The following CCT6B variants were observed in gnomAD, a reference collection of about 807,000 sequenced individuals.
CCT6B encodes the protein chaperonin containing TCP1 subunit 6B, also known as probable T-complex protein 1 subunit zeta-2.
A neutral mutation model predicts 61.5 loss-of-function variants in CCT6B; 49 were observed. That is an observed-to-expected ratio of 0.80 (90% CI 0.63 to 1.01). The LOEUF (loss-of-function observed/expected upper bound fraction) is 1.01. Ranked by LOEUF, CCT6B falls within the 50% of genes least tolerant of loss-of-function variation. CCT6B has a pLI of 0.00. For synonymous variants in CCT6B, 228 were observed against 214.5 expected (o/e 1.06, Z -0.55); for missense variants, 666 against 634.7 (o/e 1.05, Z -0.53).
Position 34,942,894 on chromosome 17 carries a change from T to A in CCT6B, c.627A>T (p.Gly209=). Residue 209 remains glycine, a synonymous_variant, in exon 6 of 14, where the codon GGA becomes GGT. Coordinates refer to ENST00000314144, the MANE Select transcript of CCT6B (RefSeq NM_006584.4). ...KLGTDTKLIQ[G]LVLDHGARHP... is the part of the protein sequence containing the mutation. ...GACGGGCACCATGATCCAAAACTAA[T>A]CCTTGGATCAACCTATTAAAAATAT... 1 of 1,589,230 alleles carries A rather than the reference T, an allele frequency of 6.3e-7. No homozygotes were observed. The highest frequency in any genetic ancestry group is 8.6e-7 in the Non-Finnish European group (1 of 1,161,286).
At position 34,943,119 on chromosome 17, in the gene CCT6B, C is replaced by T. The variant is rs941518921; in HGVS notation, c.615-213G>A. 133 of 428,912 alleles carry T rather than the reference C, an allele frequency of 3.1e-4. 2 individuals are homozygous for T. In the East Asian group the frequency reaches 5.2e-3, roughly 17 times the overall value. 26.6% of individuals were successfully genotyped at this position (428,912 alleles called of 1,614,324 possible). On this transcript the variant is annotated intron_variant, in intron 5 of 13. Transcript: ENST00000314144. Reference sequence around the variant, plus strand: ...CTGGCCACGAACTCCTGGGCTCAAGCAATCCTCCTGCCTCAGCCTCCCAAG... The same window carrying T: ...CTGGCCACGAACTCCTGGGCTCAAGTAATCCTCCTGCCTCAGCCTCCCAAG...
At chr17:34,935,151 C>T (rs887433468) in intron 10 of CCT6B, among the ~76,000 whole-genome samples, 2 of 152,076 alleles carry the variant, frequency 1.3e-5, no homozygotes, top group African/African-American at 2.4e-5. Flanking sequence ...ATAAGCCAGA[C>T]AAAGGACAAA....
rs754852348 is a variant in CCT6B, at chr17:34,942,585, CT to C, written c.783del (p.Ala262LeufsTer13). 1.9e-6 allele frequency: 3 copies of C among 1,608,282 alleles called. No individual in the cohort carries two copies. In the Admixed American group the frequency reaches 5.1e-5, roughly 27 times the overall value. Reference sequence around the variant, plus strand: ...CTATCTTCAATAAATTTTCTTTCAGCTTTTACCAATTTCTCTTTCTCTTCTG... The same window carrying C: ...CTATCTTCAATAAATTTTCTTTCAGCTTTACCAATTTCTCTTTCTCTTCTG... ...KTAEEKEKLV[K>X]AERKFIEDRV... is the part of the protein sequence containing the mutation. On this transcript the variant is annotated frameshift_variant, in exon 7 of 14. Coordinates refer to ENST00000314144, the MANE Select transcript of CCT6B (RefSeq NM_006584.4). LOFTEE classifies it high-confidence loss of function.
In CCT6B at chr17:34,942,570, T is replaced by C. The variant is rs747730840; in HGVS notation, c.799A>G (p.Ile267Val). 1.9e-6 allele frequency: 3 copies of C among 1,607,998 alleles called. No individual in the cohort carries two copies. The highest frequency in any genetic ancestry group is 2.2e-5 in the East Asian group (1 of 44,752). ...ATTATTTTTTGTACTCTATCTTCAA[T>C]AAATTTTCTTTCAGCTTTTACCAAT... ...EKLVKAERKFIEDRVQKIIDL... is the reference protein window; with the variant it reads ...EKLVKAERKFVEDRVQKIIDL... Residue 267 changes from isoleucine to valine, a missense_variant, in exon 7 of 14, where the codon ATT (isoleucine) becomes GTT (valine). Physicochemically the swap from Ile to Val is conservative, Grantham distance 29. Transcript: ENST00000314144.
rs17628745 is a variant in CCT6B at position 34,939,523 on chromosome 17, A to T, written c.1065+94T>A. On this transcript the variant is annotated intron_variant, in intron 9 of 13. Transcript: ENST00000314144. ...TCTGTTCTGTGAATTAGATCTCAAA[A>T]CACAAAACATGAAATAAAAGGTCAA... 6.8e-3 allele frequency: 6,256 copies of T among 918,880 alleles called. 24 individuals are homozygous for T. The highest frequency in any genetic ancestry group is 8.2e-3 in the Non-Finnish European group (4,850 of 590,918). The allele number at this position is 918,880 out of a possible 1,614,324, so 56.9% of individuals were successfully genotyped here. A position where few individuals can be genotyped will look rare whatever the true frequency, so the allele number is the denominator to read the frequency against.
intron 4 of CCT6B, among the ~76,000 whole-genome samples, chr17:34,953,343 T>TATATATA (rs1439709336): frequency 3.0e-5 from 4 of 134,510 alleles, no homozygotes; most frequent in Non-Finnish European, 5.1e-5. Flanking sequence ...ATATATATAT[T>TATATATA]TTTTTGAGAC....
chr17:34,950,780 T>A, intron 5 of CCT6B, among the ~76,000 whole-genome samples: 1 of 151,574 alleles, frequency 6.6e-6, no homozygotes, highest in East Asian at 1.9e-4. Flanking sequence ...ATACAAAAAA[T>A]TAGGCAGGCG....
chr17:34,954,943 T>C (rs565159415), intron 3 of CCT6B, among the ~76,000 whole-genome samples: 69 of 152,328 alleles, frequency 4.5e-4, no homozygotes, highest in African/African-American at 1.6e-3. Context: ...AAGTGGCAGA[T>C]AGAACACTGT....
At position 34,927,971 on chromosome 17, in the gene CCT6B, T is replaced by C; in HGVS notation, c.*77A>G. 1 of 992,506 alleles carries C rather than the reference T, an allele frequency of 1.0e-6. No individual in the cohort carries two copies. Among genetic ancestry groups the C allele is most frequent in the Non-Finnish European group, 1.5e-6 (1 of 664,222 alleles). The allele number at this position is 992,506 out of a possible 1,614,324, so 61.5% of individuals were successfully genotyped here. ...TTATTGTGTAGAAATTCAGAATGGC[T>C]CAGGCTACACAATAGTAGTCAGATG... is the stretch of plus-strand genomic sequence containing the variant. On this transcript the variant is annotated 3_prime_UTR_variant, in exon 14 of 14. Coordinates refer to ENST00000314144, the MANE Select transcript of CCT6B (RefSeq NM_006584.4).
Position 34,928,135 on chromosome 17 carries a change from AG to A in CCT6B, c.1524-19del. 2 of 1,581,132 alleles carry A rather than the reference AG, an allele frequency of 1.3e-6. No homozygotes were observed. The highest frequency in any genetic ancestry group is 8.7e-7 in the Non-Finnish European group (1 of 1,153,890). On this transcript the variant is annotated intron_variant, in intron 13 of 13. Transcript: ENST00000314144. ...TCACTGTGCTAAGGAAAAAGATGAGAGGGTGAGTAAAGCCTACTAACCCACT... is the reference window on the plus strand; with the variant it reads ...TCACTGTGCTAAGGAAAAAGATGAGAGGTGAGTAAAGCCTACTAACCCACT...
chr17:34,932,539 T>C (rs985646207), intron 10 of CCT6B, 39 bp from the exon 11 acceptor site: 20 of 1,562,482 alleles, frequency 1.3e-5, no homozygotes, highest in East Asian at 2.3e-5. Context: ...AGACATGCCA[T>C]AAAGACCAAA....
intron 8 of CCT6B, among the ~76,000 whole-genome samples, chr17:34,940,207 C>A (rs546730960): frequency 6.6e-6 from 1 of 152,046 alleles, no homozygotes; most frequent in Non-Finnish European, 1.5e-5. Context: ...CCCTGGTAAC[C>A]GCCATTCTAC....
At chr17:34,945,876 AG>A in intron 5 of CCT6B, among the ~76,000 whole-genome samples, 1 of 152,364 alleles carries the variant, frequency 6.6e-6, no homozygotes, top group South Asian at 2.1e-4. Context: ...AAACTCCAAC[AG>A]GTAAGTAGAG....
intron 5 of CCT6B, among the ~76,000 whole-genome samples, chr17:34,945,666 T>C (rs2142160234): frequency 6.6e-6 from 1 of 152,306 alleles, no homozygotes; most frequent in Admixed American, 6.5e-5. Context: ...GTTTTGTGTG[T>C]ATTCCCCACA....
chr17:34,933,345 T>C (rs1191499739), intron 10 of CCT6B, among the ~76,000 whole-genome samples: 1 of 152,222 alleles, frequency 6.6e-6, no homozygotes, highest in East Asian at 1.9e-4. Context: ...TATCTGCTAC[T>C]TGTATGGTTT....
intron 10 of CCT6B, among the ~76,000 whole-genome samples, chr17:34,934,077 C>T (rs1402848919): frequency 1.3e-5 from 2 of 148,610 alleles, no homozygotes; most frequent in Non-Finnish European, 3.0e-5. Context: ...TGCAGTGAGC[C>T]GTGACCATGC....
chr17:34,958,962 A>G (rs1437429005), intron 2 of CCT6B, among the ~76,000 whole-genome samples: 1 of 152,124 alleles, frequency 6.6e-6, no homozygotes, highest in Non-Finnish European at 1.5e-5. Context: ...CAATCTCAAA[A>G]TGAATACATG....
chr17:34,942,572 A>C lies in CCT6B; in HGVS notation c.797T>G (p.Phe266Cys), dbSNP rs1392813706. Reference protein sequence around the residue: ...KEKLVKAERKFIEDRVQKIID... With the variant: ...KEKLVKAERKCIEDRVQKIID... ...TATTTTTTGTACTCTATCTTCAATA[A>C]ATTTTCTTTCAGCTTTTACCAATTT... The change falls in exon 7 of 14, where the codon TTT (phenylalanine) becomes TGT (cysteine). Residue 266 changes from phenylalanine (F) to cysteine (C), a missense_variant. Coordinates refer to ENST00000314144, the MANE Select transcript of CCT6B (RefSeq NM_006584.4). 1 of 1,608,528 alleles carries C rather than the reference A, an allele frequency of 6.2e-7. No homozygotes were observed. The highest frequency in any genetic ancestry group is 2.2e-5 in the East Asian group (1 of 44,714).
rs754317038 is a variant in CCT6B at position 34,961,437 on chromosome 17, G to C, written c.-44C>G. 2.6e-6 allele frequency: 4 copies of C among 1,563,332 alleles called. No individual in the cohort carries two copies. The highest frequency in any genetic ancestry group is 3.4e-6 in the Non-Finnish European group (4 of 1,159,486). On this transcript the variant is annotated 5_prime_UTR_variant, in exon 1 of 14. It adds an upstream start codon to the 5' untranslated region. Coordinates refer to ENST00000314144, the MANE Select transcript of CCT6B (RefSeq NM_006584.4). ...GAGAAAAAAAAAAAGCCTTAGTCGC[G>C]ATTCTGAGCAAAAACGGCAATGCGA...
Sources: allele counts gnomAD v4.1 joint callset (sites outside exome capture counted in the v4.1 genomes callset), GRCh38; gene constraint gnomAD v4.1.1; transcripts MANE v1.5; gene names NCBI Gene and HGNC (gene_info 2026-07-23, HGNC 2026-07-21).